The following CDK12 variants were observed in gnomAD, a reference collection of about 807,000 sequenced individuals.
CDK12 encodes cyclin-dependent kinase 12.
CDK12 carries 17 observed loss-of-function variants against 133.8 expected under a neutral mutation model. That is an observed-to-expected ratio of 0.13 (90% CI 0.09 to 0.19). CDK12 has a LOEUF of 0.19. Among genes scored for constraint, CDK12 ranks in the 10% least tolerant of loss-of-function variants. CDK12 has a pLI of 1.00. For synonymous variants in CDK12, 694 were observed against 683.6 expected (o/e 1.02, Z -0.24); for missense variants, 1,508 against 1,818.7 (o/e 0.83, Z 3.11).
In CDK12 at chr17:39,532,891, C is replaced by T. The variant is rs2054945177; in HGVS notation, c.*1575C>T. On this transcript the variant is annotated 3_prime_UTR_variant, in exon 14 of 14. Coordinates refer to ENST00000447079, the MANE Select transcript of CDK12 (RefSeq NM_016507.4). ...GAGTGTTTTAAAAACAGATACATGTCATATAATTTATCTGCACAGACTTAG... is the reference window on the plus strand; with the variant it reads ...GAGTGTTTTAAAAACAGATACATGTTATATAATTTATCTGCACAGACTTAG... 1 of 232,824 alleles carries T rather than the reference C, an allele frequency of 4.3e-6. No individual in the cohort carries two copies. Among genetic ancestry groups the T allele is most frequent in the African/African-American group, 2.2e-5 (1 of 45,312 alleles). The allele number at this position is 232,824 out of a possible 1,614,324, so 14.4% of individuals were successfully genotyped here. A position where few individuals can be genotyped will look rare whatever the true frequency, so the allele number is the denominator to read the frequency against.
In CDK12 at chr17:39,531,129, C is replaced by G. The variant is rs1167681980; in HGVS notation, c.4286C>G (p.Ser1429Cys). 6.4e-7 allele frequency: 1 copy of G among 1,565,644 alleles called. No homozygotes were observed. ...PFLKAEGSSNSVVHAETKLQN... is the reference protein window; with the variant it reads ...PFLKAEGSSNCVVHAETKLQN... ...CTGAAGGCTGAGGGAAGCAGCAATT[C>G]TGTGGTACATGCAGAGACCAAATTG... Residue 1429 changes from serine (S) to cysteine (C), a missense_variant, in exon 14 of 14, where the codon TCT (serine) becomes TGT (cysteine). Around this residue, in one of 9 missense-constraint regions of CDK12, gnomAD observed 114 missense variants for 101.2 expected, o/e 1.13. Transcript: ENST00000447079.
intron 2 of CDK12, among the ~76,000 whole-genome samples, chr17:39,483,035 C>G (rs577337260): frequency 6.6e-6 from 1 of 151,740 alleles, no homozygotes; most frequent in African/African-American, 2.4e-5. Flanking sequence ...GCCTCAGTCT[C>G]CTGAATAGCT....
chr17:39,470,658 C>G (rs1029107058), intron 1 of CDK12, among the ~76,000 whole-genome samples: 1 of 152,154 alleles, frequency 6.6e-6, no homozygotes, highest in Non-Finnish European at 1.5e-5. Flanking sequence ...TGTCCATTTT[C>G]TGTTCCAGGA....
In CDK12 at chr17:39,526,061, G is replaced by T. The variant is rs763910012; in HGVS notation, c.3505G>T (p.Asp1169Tyr). The T allele has an allele frequency of 1.9e-6, 3 of 1,614,084 alleles. No individual in the cohort carries two copies. The highest frequency in any genetic ancestry group is 2.7e-5 in the African/African-American group (2 of 74,926). ...ALTEATSQQQ[D>Y]SETMAPEESL... is the part of the protein sequence containing the mutation. ...GACGGAAGCTACTTCCCAGCAGCAG[G>T]ACTCAGAGACCATGGCCCCAGAGGA... is the stretch of plus-strand genomic sequence containing the variant. The change falls in exon 13 of 14, where the codon GAC becomes TAC. Residue 1169 changes from aspartate (D) to tyrosine (Y), a missense_variant. Around this residue, in one of 9 missense-constraint regions of CDK12, gnomAD observed 399 missense variants for 469.6 expected, o/e 0.85. Coordinates refer to ENST00000447079, the MANE Select transcript of CDK12 (RefSeq NM_016507.4).
At chr17:39,519,459 G>C (rs2054029634) in intron 10 of CDK12, among the ~76,000 whole-genome samples, 1 of 150,692 alleles carries the variant, frequency 6.6e-6, no homozygotes, top group Non-Finnish European at 1.5e-5. Context: ...GCATCACCAT[G>C]CCTGGCTAAT....
chr17:39,517,698 A>T (rs983290407), intron 10 of CDK12, 142 bp downstream of exon 10: 1 of 594,636 alleles, frequency 1.7e-6, no homozygotes, highest in African/African-American at 1.9e-5. Flanking sequence ...CGAACAGTAT[A>T]TGAGTTTTAT....
chr17:39,495,429 G>A (rs1216880121), intron 5 of CDK12, among the ~76,000 whole-genome samples: 1 of 132,886 alleles, frequency 7.5e-6, no homozygotes, highest in Non-Finnish European at 1.5e-5. Context: ...AAAATAATAA[G>A]TGAATGAATG....
Position 39,495,789 on chromosome 17 carries a change from C to T in CDK12, c.2419+1095C>T, listed in dbSNP as rs186158245. 3.7e-3 allele frequency among the ~76,000 whole-genome samples: 548 copies of T among 147,122 alleles called. 14 individuals are homozygous for T. The highest frequency in any genetic ancestry group is 0.029 in the Admixed American group (431 of 14,810). On this transcript the variant is annotated intron_variant, in intron 5 of 13. Transcript: ENST00000447079. Reference sequence around the variant, plus strand: ...CAGCCTGGGCAATAGAGCGAGACTCCGCCTCAAAAAAAAAAAAAAAAGATG... The same window carrying T: ...CAGCCTGGGCAATAGAGCGAGACTCTGCCTCAAAAAAAAAAAAAAAAGATG...
intron 1 of CDK12, 68 bp from the exon 2 acceptor site, chr17:39,470,811 T>C: frequency 7.9e-7 from 1 of 1,269,776 alleles, no homozygotes; most frequent in Non-Finnish European, 1.1e-6. Context: ...TAGTTTGTTT[T>C]ATTGATCTGT....
At chr17:39,527,175 A>G (rs1268192311) in intron 13 of CDK12, among the ~76,000 whole-genome samples, 1 of 152,212 alleles carries the variant, frequency 6.6e-6, no homozygotes, top group East Asian at 1.9e-4. Context: ...AGATATACTA[A>G]TCTTCAACTT....
chr17:39,550,111 C>G (rs1280954939), upstream of CDK12: 3 of 152,000 alleles, frequency 2.0e-5, no homozygotes, highest in Admixed American at 2.0e-4. Flanking sequence ...GTATAGAGCT[C>G]CAATAGCACG....
chr17:39,511,246 T>C (rs536591924), intron 7 of CDK12, among the ~76,000 whole-genome samples: 349 of 148,180 alleles, frequency 2.4e-3, no homozygotes, highest in Non-Finnish European at 3.7e-3. Flanking sequence ...AAATGAGATC[T>C]TGCTGTGTTG....
At chr17:39,503,045 C>G (rs1421856838) in intron 6 of CDK12, among the ~76,000 whole-genome samples, 2 of 152,160 alleles carry the variant, frequency 1.3e-5, no homozygotes, top group African/African-American at 4.8e-5. Flanking sequence ...ATCCACTACA[C>G]TCCAGTCCAG....
intron 13 of CDK12, among the ~76,000 whole-genome samples, chr17:39,527,571 G>A (rs898444121): frequency 2.2e-4 from 34 of 152,158 alleles, no homozygotes; most frequent in African/African-American, 8.2e-4. Context: ...TTTTGGAGGC[G>A]GAGTCTTACT....
chr17:39,522,931 T>C (rs2054270981), intron 11 of CDK12, among the ~76,000 whole-genome samples: 1 of 151,860 alleles, frequency 6.6e-6, no homozygotes, highest in Non-Finnish European at 1.5e-5. Context: ...TGTATGCTTG[T>C]AGTCCTGGCT....
intron 5 of CDK12, among the ~76,000 whole-genome samples, chr17:39,500,693 G>A (rs1487379625): frequency 1.3e-5 from 2 of 151,878 alleles, no homozygotes; most frequent in Non-Finnish European, 1.5e-5. Context: ...GAGGTGAGTA[G>A]TCCATATAGT....
intron 2 of CDK12, among the ~76,000 whole-genome samples, chr17:39,485,273 T>C (rs1393739586): frequency 6.6e-6 from 1 of 151,484 alleles, no homozygotes; most frequent in African/African-American, 2.4e-5. Flanking sequence ...AAAGTAAACA[T>C]TGGAGAAAAC....
At chr17:39,561,371 C>T (rs1052184575) in intron 3 of CDK12, among the ~76,000 whole-genome samples, 4 of 152,156 alleles carry the variant, frequency 2.6e-5, no homozygotes, top group African/African-American at 7.2e-5. Flanking sequence ...CACATACACC[C>T]CTTGGGCAGG....
chr17:39,503,340 T>A (rs987433936), intron 6 of CDK12, among the ~76,000 whole-genome samples: 1 of 152,170 alleles, frequency 6.6e-6, no homozygotes, highest in Non-Finnish European at 1.5e-5. Context: ...CCCAAAGTCC[T>A]GGTATTACAA....
Sources: allele counts gnomAD v4.1 joint callset (sites outside exome capture counted in the v4.1 genomes callset), GRCh38; gene constraint gnomAD v4.1.1; regional missense constraint gnomAD v4.1.1; transcripts MANE v1.5; gene names NCBI Gene and HGNC (gene_info 2026-07-23, HGNC 2026-07-21).